The following NALF2 variants were observed in gnomAD, a reference collection of about 807,000 sequenced individuals.
NALF2 encodes the protein bB57D9.1 (TED protein).
In NALF2, 1 loss-of-function variant was observed where a neutral mutation model predicts 24.8. The observed-to-expected ratio is 0.04, with a 90% CI of 0.01 to 0.19. The LOEUF is 0.19. Among genes scored for constraint, NALF2 ranks in the 10% least tolerant of loss-of-function variants. The pLI is 1.00. For synonymous variants in NALF2, 254 were observed against 189.8 expected, an observed-to-expected ratio of 1.34 and a Z score of -2.78; for missense variants, 458 against 409.6, an observed-to-expected ratio of 1.12 and a Z score of -1.02.
At chrX:69,526,621 T>C (rs184202448) in intron 1 of NALF2, among the ~76,000 whole-genome samples, 397 of 111,504 alleles carry the variant, frequency 3.6e-3, no homozygotes, top group Non-Finnish European at 5.5e-3. Context: ...GCAGAGAAAG[T>C]AATACTTGTG....
At chrX:69,512,093 C>G (rs1260470993) in intron 1 of NALF2, among the ~76,000 whole-genome samples, 1 of 111,904 alleles carries the variant, frequency 8.9e-6, no homozygotes, top group Non-Finnish European at 1.9e-5. Context: ...TGGATTCCAG[C>G]TGCCAGTGTT....
chrX:69,518,071 T>C (rs1930687321), intron 1 of NALF2, among the ~76,000 whole-genome samples: 1 of 112,185 alleles, frequency 8.9e-6, no homozygotes, highest in African/African-American at 3.2e-5. Flanking sequence ...TGCACAACCA[T>C]TGTGCACAGA....
rs951503948 is a variant in NALF2, at chrX:69,504,638, C to T, written c.-645C>T. ...GCGGGTGCGGAGCCAGAGCGGAGCC[C>T]GCCAGGGACTGGCCCCGGCGAACAC... On this transcript the variant is annotated 5_prime_UTR_variant, in exon 1 of 3. Transcript: ENST00000252338. Among the ~76,000 whole-genome samples the T allele has an allele frequency of 7.1e-5, 8 of 112,926 alleles. No individual in the cohort carries two copies. The highest frequency in any genetic ancestry group is 3.5e-4 in the South Asian group (1 of 2,842).
intron 1 of NALF2, among the ~76,000 whole-genome samples, chrX:69,516,152 G>A (rs185145227): frequency 8.9e-6 from 1 of 112,340 alleles, no homozygotes; most frequent in East Asian, 2.8e-4. Context: ...GTGGATCAGG[G>A]AAGTCCAGTA....
At chrX:69,517,821 A>G (rs1489041944) in intron 1 of NALF2, among the ~76,000 whole-genome samples, 1 of 112,757 alleles carries the variant, frequency 8.9e-6, no homozygotes. Context: ...GCTGACAGTC[A>G]TCTTTGATCA....
chrX:69,509,065 C>T (rs749284268), intron 1 of NALF2, among the ~76,000 whole-genome samples: 1 of 112,305 alleles, frequency 8.9e-6, no homozygotes, highest in African/African-American at 3.2e-5. Flanking sequence ...TACCTGTCCT[C>T]GCTGCTGCCT....
rs778999851 is a variant in NALF2 at position 69,529,946 on chromosome X, G to A, written c.1409G>A (p.Arg470Gln). The A allele has an allele frequency of 8.4e-5, 100 of 1,193,309 alleles. No homozygotes were observed. The highest frequency in any genetic ancestry group is 7.2e-4 in the East Asian group (24 of 33,485). ...TLPALEEGLT[R>Q]EE ...CCTGCCCTAGAGGAGGGCCTGACAC[G>A]GGAAGAGTGACAGTAGGGAGGGAGG... Residue 470 changes from arginine to glutamine, a missense_variant, in exon 3 of 3, where the codon CGG becomes CAG. By Grantham distance (43) the Arg-to-Gln change is conservative. Transcript: ENST00000252338.
chrX:69,531,225 C>T lies in NALF2; in HGVS notation c.*1269C>T, dbSNP rs978339718. 2 of 113,097 alleles carry T rather than the reference C, an allele frequency of 1.8e-5. No homozygotes were observed. Among genetic ancestry groups the T allele is most frequent in the Non-Finnish European group, 3.8e-5 (2 of 53,313 alleles). The allele number at this position is 113,097 out of a possible 1,213,427, so 9.3% of individuals were successfully genotyped here. ...TCACCCTGTAGCAGGGTCTTCTGCTCCAGTCACCCCGGCCTCTTGCAAGAG... is the reference window on the plus strand; with the variant it reads ...TCACCCTGTAGCAGGGTCTTCTGCTTCAGTCACCCCGGCCTCTTGCAAGAG... On this transcript the variant is annotated 3_prime_UTR_variant, in exon 3 of 3. Transcript: ENST00000252338.
Position 69,529,636 on chromosome X carries a change from G to A in NALF2, c.1099G>A (p.Glu367Lys), listed in dbSNP as rs201885557. 11 of 1,208,973 alleles carry A rather than the reference G, an allele frequency of 9.1e-6. No homozygotes were observed. The East Asian group carries it at 3.3e-4, about 36-fold the overall frequency. The change falls in exon 3 of 3, where the codon GAG becomes AAG. Residue 367 changes from glutamate (E) to lysine (K), a missense_variant. Transcript: ENST00000252338. ...CTGTGACGTGCAGTGGGTCTCCTGTGAGGCGAAGAAGAAGAAGTTCAAGGA... is the reference window on the plus strand; with the variant it reads ...CTGTGACGTGCAGTGGGTCTCCTGTAAGGCGAAGAAGAAGAAGTTCAAGGA... ...KCCDVQWVSC[E>K]AKKKKFKESE...
rs768616570 is a variant in NALF2 at position 69,529,840 on chromosome X, G to A, written c.1303G>A (p.Val435Ile). 5.8e-6 allele frequency: 7 copies of A among 1,209,851 alleles called. No homozygotes were observed. Among genetic ancestry groups the A allele is most frequent in the Middle Eastern group, 2.3e-4 (1 of 4,352 alleles). The stretch of plus-strand genomic sequence containing the variant: ...CAGCCCTAGCAGGATCCGGCTCTGC[G>A]TCCTTGTTCTCATGCTCCTCCATAC... The part of the protein sequence containing the change: ...RLSPSRIRLC[V>I]LVLMLLHTVV... Residue 435 changes from valine to isoleucine, a missense_variant, in exon 3 of 3, where the codon GTC becomes ATC. Transcript: ENST00000252338.
intron 1 of NALF2, among the ~76,000 whole-genome samples, chrX:69,509,613 C>T (rs1930550130): frequency 9.0e-6 from 1 of 111,011 alleles, no homozygotes. Flanking sequence ...CCCAAACCCA[C>T]CTGGCAGACA....
At chrX:69,513,729 C>CT (rs67752379) in intron 1 of NALF2, among the ~76,000 whole-genome samples, 7 of 107,843 alleles carry the variant, frequency 6.5e-5, no homozygotes, top group South Asian at 8.0e-4. Flanking sequence ...AGCACTTAGT[C>CT]TTTTTTTTTT....
intron 1 of NALF2, among the ~76,000 whole-genome samples, chrX:69,522,911 C>G (rs1236806909): frequency 8.9e-6 from 1 of 112,633 alleles, no homozygotes; most frequent in Non-Finnish European, 1.9e-5. Flanking sequence ...TTCTTGCATG[C>G]CTCTGACTTG....
Position 69,531,209 on chromosome X carries a change from A to C in NALF2, c.*1253A>C, listed in dbSNP as rs1239165199. 8.8e-6 allele frequency: 1 copy of C among 113,012 alleles called. No individual in the cohort carries two copies. The highest frequency in any genetic ancestry group is 2.8e-4 in the East Asian group (1 of 3,575). 9.3% of individuals were successfully genotyped at this position (113,012 alleles called of 1,213,427 possible). ...ACACCCATACTCCTCTTCACCCTGT[A>C]GCAGGGTCTTCTGCTCCAGTCACCC... On this transcript the variant is annotated 3_prime_UTR_variant, in exon 3 of 3. Transcript: ENST00000252338.
intron 1 of NALF2, among the ~76,000 whole-genome samples, chrX:69,518,020 G>C (rs1930686810): frequency 8.9e-6 from 1 of 112,609 alleles, no homozygotes; most frequent in South Asian, 3.7e-4. Context: ...AAGGGAACCT[G>C]TGGCTGTCAC....
rs767095728 is a variant in NALF2, at chrX:69,532,055, G to C, written c.*2099G>C. 2.7e-5 allele frequency: 3 copies of C among 112,383 alleles called. No homozygotes were observed. The highest frequency in any genetic ancestry group is 9.7e-5 in the African/African-American group (3 of 30,813). The allele number at this position is 112,383 out of a possible 1,213,427, so 9.3% of individuals were successfully genotyped here. A position where few individuals can be genotyped will look rare whatever the true frequency, so the allele number is the denominator to read the frequency against. On this transcript the variant is annotated 3_prime_UTR_variant, in exon 3 of 3. Coordinates refer to ENST00000252338, the MANE Select transcript of NALF2 (RefSeq NM_015686.3). The stretch of plus-strand genomic sequence containing the variant: ...CCCATCCTCTCTTCCCCCTCACCAA[G>C]TGCCCAGGAGACCCCTGGCTCAGAC...
Position 69,529,758 on chromosome X carries a change from C to G in NALF2, c.1221C>G (p.Pro407=), listed in dbSNP as rs1205232083. 3.3e-6 allele frequency: 4 copies of G among 1,211,576 alleles called. No individual in the cohort carries two copies. The highest frequency in any genetic ancestry group is 4.5e-6 in the Non-Finnish European group (4 of 895,369). Residue 407 remains proline (P), a synonymous_variant, in exon 3 of 3, where the codon CCC becomes CCG. Transcript: ENST00000252338. The stretch of plus-strand genomic sequence containing the variant: ...ATCACTACCACCCCCATCATGATCC[C>G]CCAGGCCGTGTCAGCAACAAGCCCG... ...QYHHYHPHHD[P]PGRVSNKPAL...
In NALF2 at chrX:69,530,292, A is replaced by T. The variant is rs916044665; in HGVS notation, c.*336A>T. The T allele has an allele frequency of 4.5e-6, 1 of 220,152 alleles. No homozygotes were observed. The highest frequency in any genetic ancestry group is 8.2e-6 in the Non-Finnish European group (1 of 121,267). The allele number at this position is 220,152 out of a possible 1,213,427, so 18.1% of individuals were successfully genotyped here. On this transcript the variant is annotated 3_prime_UTR_variant, in exon 3 of 3. Transcript: ENST00000252338. ...CCAAAAGCCCTGACCCCAGGGAAGG[A>T]GGCTGCTCACCCAGCCTTGGCCCTG... is the stretch of plus-strand genomic sequence containing the variant.
chrX:69,506,015 A>G lies in NALF2; in HGVS notation c.733A>G (p.Asn245Asp). The change falls in exon 1 of 3, where the codon AAC becomes GAC. Residue 245 changes from asparagine to aspartate, a missense_variant. Asn to Asp is a conservative substitution (Grantham distance 23). Coordinates refer to ENST00000252338, the MANE Select transcript of NALF2 (RefSeq NM_015686.3). Reference protein sequence around the residue: ...PGSGAWEACSNCIEAYQRLDR... With the variant: ...PGSGAWEACSDCIEAYQRLDR... ...CTCCGGGGCCTGGGAGGCGTGTAGC[A>G]ACTGTATCGAGGCGTACCAGCGGCT... 3.3e-6 allele frequency: 4 copies of G among 1,211,228 alleles called. No homozygotes were observed. Among genetic ancestry groups the G allele is most frequent in the Non-Finnish European group, 4.5e-6 (4 of 895,198 alleles).
Sources: allele counts gnomAD v4.1 joint callset (sites outside exome capture counted in the v4.1 genomes callset), GRCh38; gene constraint gnomAD v4.1.1; transcripts MANE v1.5; gene names NCBI Gene and HGNC (gene_info 2026-07-23, HGNC 2026-07-21).